AP3S2: variants seen among roughly 807,000 people sequenced by gnomAD.
AP3S2 encodes adaptor related protein complex 3 subunit sigma 2, also known as AP-3 complex subunit sigma-2.
In AP3S2, 22 loss-of-function variants were observed where a neutral mutation model predicts 23.4. That is an observed-to-expected ratio of 0.94 (90% CI 0.67 to 1.34). AP3S2 has a LOEUF of 1.34. AP3S2 is among the 40% of genes most tolerant of loss of function. AP3S2 has a pLI of 0.00. For missense variants in AP3S2, 241 were observed against 236.9 expected, an observed-to-expected ratio of 1.02 and a Z score of -0.11; for synonymous variants, 86 against 87.1, an observed-to-expected ratio of 0.99 and a Z score of 0.07.
At chr15:89,842,567 C>G (rs1211206811) in intron 4 of AP3S2, among the ~76,000 whole-genome samples, 1 of 152,204 alleles carries the variant, frequency 6.6e-6, no homozygotes, top group Non-Finnish European at 1.5e-5. Flanking sequence ...TGGAACAACA[C>G]CTACAAAATT....
At chr15:89,888,752 G>A in intron 2 of AP3S2, 120 bp from the exon 3 acceptor site, 3 of 1,140,328 alleles carry the variant, frequency 2.6e-6, no homozygotes, top group South Asian at 1.6e-5. Context: ...GCTAGAAGCA[G>A]GCCATTCTTA....
At chr15:89,869,091 C>A (rs994989650) in intron 4 of AP3S2, among the ~76,000 whole-genome samples, 5 of 151,964 alleles carry the variant, frequency 3.3e-5, no homozygotes, top group African/African-American at 1.2e-4. Flanking sequence ...TCATTGAGAA[C>A]GGGTCAGGAT....
chr15:89,885,395 G>C (rs962879679), intron 3 of AP3S2, among the ~76,000 whole-genome samples: 2 of 151,816 alleles, frequency 1.3e-5, no homozygotes, highest in African/African-American at 2.4e-5. Context: ...TAGAGACGAA[G>C]TTTCACCATG....
At chr15:89,866,756 C>T (rs993823247) in intron 4 of AP3S2, among the ~76,000 whole-genome samples, 2 of 151,766 alleles carry the variant, frequency 1.3e-5, no homozygotes, top group Middle Eastern at 6.8e-3. Flanking sequence ...GCGTTAGCCA[C>T]CGCACCCGGC....
intron 1 of AP3S2, among the ~76,000 whole-genome samples, chr15:89,890,489 T>C (rs978884334): frequency 5.9e-5 from 9 of 152,234 alleles, no homozygotes; most frequent in South Asian, 2.1e-4. Flanking sequence ...AAACCAGCAA[T>C]TAAGACAGAT....
intron 4 of AP3S2, among the ~76,000 whole-genome samples, chr15:89,843,281 G>A (rs755991545): frequency 5.3e-5 from 8 of 150,948 alleles, no homozygotes; most frequent in South Asian, 2.2e-4. Flanking sequence ...ACTACACCCA[G>A]CCAAGTATTT....
At chr15:89,884,964 T>C (rs1896661387) in intron 3 of AP3S2, among the ~76,000 whole-genome samples, 1 of 151,994 alleles carries the variant, frequency 6.6e-6, no homozygotes, top group African/African-American at 2.4e-5. Context: ...CTTTTTAGAG[T>C]CAGGTTTTTG....
At position 89,871,517 on chromosome 15, in the gene AP3S2, G is replaced by T; in HGVS notation, c.303C>A (p.Phe101Leu). The change falls in exon 4 of 6, where the codon TTC becomes TTA. Residue 101 changes from phenylalanine to leucine, a missense_variant. Transcript: ENST00000336418. The stretch of plus-strand genomic sequence containing the variant: ...TCAAATCCAATTCACACACATTTTC[G>T]AAACACTTATCCAGAGTTTCCACAA... ...QVFVETLDKC[F>L]ENVCELDLIF... The T allele has an allele frequency of 1.2e-6, 2 of 1,613,432 alleles. No individual in the cohort carries two copies. Among genetic ancestry groups the T allele is most frequent in the Middle Eastern group, 1.7e-4 (1 of 6,060 alleles).
At chr15:89,849,740 A>G (rs1382082336) in intron 4 of AP3S2, among the ~76,000 whole-genome samples, 5 of 152,122 alleles carry the variant, frequency 3.3e-5, no homozygotes, top group Non-Finnish European at 7.4e-5. Context: ...GCAGGTTTTT[A>G]CATAGCTATA....
chr15:89,880,450 G>A lies in AP3S2; in HGVS notation c.273+8071C>T, dbSNP rs185842962. Among the ~76,000 whole-genome samples the A allele has an allele frequency of 9.9e-4, 150 of 152,136 alleles. 1 individual carries two copies. The Middle Eastern group carries it at 0.014, about 14-fold the overall frequency. ...TCACGCCTGTAATCCCAACACTTTGGGAGGCCGAGGTCAGGAGTTTGAGAC... is the reference window on the plus strand; with the variant it reads ...TCACGCCTGTAATCCCAACACTTTGAGAGGCCGAGGTCAGGAGTTTGAGAC... On this transcript the variant is annotated intron_variant, in intron 3 of 5. Transcript: ENST00000336418.
At chr15:89,864,591 C>T (rs962263300) in intron 4 of AP3S2, among the ~76,000 whole-genome samples, 20 of 151,672 alleles carry the variant, frequency 1.3e-4, no homozygotes, top group African/African-American at 4.8e-4. Context: ...GACGGAGTCT[C>T]GCTCTGTCAC....
chr15:89,849,588 C>T lies in AP3S2; in HGVS notation c.346-11866G>A, dbSNP rs139773165. On this transcript the variant is annotated intron_variant, in intron 4 of 5. Coordinates refer to ENST00000336418, the MANE Select transcript of AP3S2 (RefSeq NM_005829.5). ...TTCACTATGTTAGCCAGGATGGTCT[C>T]GATCTCCTGACCTAGTGATCTGCCC... Among the ~76,000 whole-genome samples the T allele has an allele frequency of 2.2e-3, 330 of 152,072 alleles. 2 individuals carry two copies. The highest frequency in any genetic ancestry group is 5.9e-3 in the Admixed American group (90 of 15,266).
At chr15:89,855,704 G>C (rs1391065972) in intron 4 of AP3S2, among the ~76,000 whole-genome samples, 2 of 140,690 alleles carry the variant, frequency 1.4e-5, no homozygotes, top group South Asian at 2.3e-4. Context: ...AAAAAAATTA[G>C]CTGGGCGTGG....
At chr15:89,859,268 CTT>C (rs1016982567) in intron 4 of AP3S2, among the ~76,000 whole-genome samples, 1 of 141,116 alleles carries the variant, frequency 7.1e-6, no homozygotes, top group Non-Finnish European at 1.6e-5. Flanking sequence ...TCCTTTTTTT[CTT>C]TTCTTTCTTT....
intron 3 of AP3S2, chr15:89,877,255 G>T: frequency 8.5e-7 from 1 of 1,177,786 alleles, no homozygotes; most frequent in South Asian, 1.2e-5. Flanking sequence ...AACGGGATTG[G>T]GTTTCACATC....
At chr15:89,892,670 T>TTGTG (rs58320096) in intron 1 of AP3S2, among the ~76,000 whole-genome samples, 16 of 151,498 alleles carry the variant, frequency 1.1e-4, no homozygotes, top group East Asian at 1.9e-4. Context: ...ATATACTTTT[T>TTGTG]TGTGTGTGTG....
In AP3S2 at chr15:89,835,285, G is replaced by A. The variant is rs552239540; in HGVS notation, c.*230C>T. 4 of 640,162 alleles carry A rather than the reference G, an allele frequency of 6.2e-6. No homozygotes were observed. Among genetic ancestry groups the A allele is most frequent in the South Asian group, 2.5e-5 (1 of 40,268 alleles). The allele number at this position is 640,162 out of a possible 1,614,324, so 39.7% of individuals were successfully genotyped here. On this transcript the variant is annotated 3_prime_UTR_variant, in exon 6 of 6. Coordinates refer to ENST00000336418, the MANE Select transcript of AP3S2 (RefSeq NM_005829.5). ...AGGGCCCCTCACATCTGCAGTGGCC[G>A]TATGCATCAGAGAACGGCATGACTG...
chr15:89,869,378 G>T (rs1342284379), intron 4 of AP3S2, among the ~76,000 whole-genome samples: 3 of 146,820 alleles, frequency 2.0e-5, no homozygotes, highest in East Asian at 2.0e-4. Context: ...GGCAGCATGC[G>T]CGTTAAGAGT....
intron 5 of AP3S2, among the ~76,000 whole-genome samples, chr15:89,835,854 C>T (rs957403103): frequency 2.0e-5 from 3 of 151,986 alleles, no homozygotes; most frequent in African/African-American, 7.2e-5. Flanking sequence ...ATGGTGAAAC[C>T]CCATCTCTAC....
Sources: allele counts gnomAD v4.1 joint callset (sites outside exome capture counted in the v4.1 genomes callset), GRCh38; gene constraint gnomAD v4.1.1; transcripts MANE v1.5; gene names NCBI Gene and HGNC (gene_info 2026-07-23, HGNC 2026-07-21).